The following SEMA5A variants were observed in gnomAD, a reference collection of about 807,000 sequenced individuals.
SEMA5A encodes the protein semaphorin-5A.
Under a neutral mutation model 135.5 loss-of-function variants are expected in SEMA5A, and 55 were observed. The ratio of observed to expected loss-of-function variants is 0.41; its 90% CI spans 0.33 to 0.51. SEMA5A has a LOEUF of 0.51. Among genes scored for constraint, SEMA5A ranks in the 20% least tolerant of loss-of-function variants. The pLI is 0.37. For missense variants in SEMA5A, 1,290 were observed against 1,419.9 expected (o/e 0.91, Z 1.47); for synonymous variants, 580 against 546.5 (o/e 1.06, Z -0.85).
At position 9,193,931 on chromosome 5, in the gene SEMA5A, A is replaced by G. The variant is rs540410270; in HGVS notation, c.1068+3237T>C. On this transcript the variant is annotated intron_variant, in intron 10 of 22. Transcript: ENST00000382496. ...ACAAAACAAAACAAATCTGCTTTGC[A>G]TATCAAAGGGTCCTGATGGACAGGA... is the stretch of plus-strand genomic sequence containing the variant. Among the ~76,000 whole-genome samples, 5 of 152,314 alleles carry G rather than the reference A, an allele frequency of 3.3e-5. No homozygotes were observed. In the East Asian group the frequency reaches 9.6e-4, roughly 29 times the overall value.
intron 11 of SEMA5A, among the ~76,000 whole-genome samples, chr5:9,160,970 C>T (rs1309980819): frequency 2.0e-5 from 3 of 152,060 alleles, no homozygotes; most frequent in Admixed American, 6.6e-5. Flanking sequence ...AGAAATTACC[C>T]CCAAAGAATT....
At chr5:9,399,222 A>C (rs1000322552) in intron 2 of SEMA5A, among the ~76,000 whole-genome samples, 2 of 152,252 alleles carry the variant, frequency 1.3e-5, no homozygotes, top group African/African-American at 4.8e-5. Context: ...TACATGGAGA[A>C]CAGATGAAGA....
At chr5:9,143,403 C>T (rs1742169384) in intron 12 of SEMA5A, among the ~76,000 whole-genome samples, 1 of 152,076 alleles carries the variant, frequency 6.6e-6, no homozygotes, top group Non-Finnish European at 1.5e-5. Context: ...CTCGGCTTAA[C>T]ATTAAATAAC....
chr5:9,358,754 C>A (rs1025057989), intron 3 of SEMA5A, among the ~76,000 whole-genome samples: 5 of 152,094 alleles, frequency 3.3e-5, no homozygotes, highest in African/African-American at 1.2e-4. Flanking sequence ...TTGAAAGAAA[C>A]GAAGCTGGAA....
At chr5:9,445,198 C>A (rs1758385999) in intron 1 of SEMA5A, among the ~76,000 whole-genome samples, 1 of 152,108 alleles carries the variant, frequency 6.6e-6, no homozygotes, top group Admixed American at 6.6e-5. Flanking sequence ...TGCATAACAC[C>A]ACAATGACAT....
At chr5:9,234,047 C>T (rs1747778360) in intron 6 of SEMA5A, among the ~76,000 whole-genome samples, 1 of 152,212 alleles carries the variant, frequency 6.6e-6, no homozygotes, top group African/African-American at 2.4e-5. Flanking sequence ...AGAACTTCAG[C>T]ACAAGCAAAA....
chr5:9,535,931 T>C (rs950338197), intron 1 of SEMA5A, among the ~76,000 whole-genome samples: 1 of 152,174 alleles, frequency 6.6e-6, no homozygotes. Context: ...GTGCCTGTCA[T>C]ACTCAGAACT....
chr5:9,282,701 C>T (rs570138756), intron 5 of SEMA5A, among the ~76,000 whole-genome samples: 22 of 152,274 alleles, frequency 1.4e-4, no homozygotes, highest in Admixed American at 1.3e-3. Flanking sequence ...AAACAGCCGC[C>T]TCCCGTGTCA....
At chr5:9,533,334 A>C (rs189968738) in intron 1 of SEMA5A, among the ~76,000 whole-genome samples, 5 of 152,342 alleles carry the variant, frequency 3.3e-5, no homozygotes, top group Non-Finnish European at 7.3e-5. Context: ...GAAAGGAGTC[A>C]AATTTCATGA....
chr5:9,497,127 G>C (rs1260297193), intron 1 of SEMA5A, among the ~76,000 whole-genome samples: 2 of 152,124 alleles, frequency 1.3e-5, no homozygotes, highest in African/African-American at 4.8e-5. Context: ...GATACTTATA[G>C]GGACATGGTA....
rs527472379 is a variant in SEMA5A at position 9,042,070 on chromosome 5, T to C, written c.*827A>G. 1 of 152,302 alleles carries C rather than the reference T, an allele frequency of 6.6e-6. No homozygotes were observed. Among genetic ancestry groups the C allele is most frequent in the African/African-American group, 2.4e-5 (1 of 41,568 alleles). The allele number at this position is 152,302 out of a possible 1,614,324, so 9.4% of individuals were successfully genotyped here. ...GTTGGTTATTTTACAGACTGGCTCT[T>C]CAGGACGTCACTATGGACCAGACAG... On this transcript the variant is annotated 3_prime_UTR_variant, in exon 23 of 23. Transcript: ENST00000382496.
intron 12 of SEMA5A, among the ~76,000 whole-genome samples, chr5:9,144,140 TC>T (rs1237898841): frequency 2.6e-5 from 4 of 152,184 alleles, no homozygotes; most frequent in African/African-American, 4.8e-5. Context: ...CATTCTCTAT[TC>T]CATAAGTAGG....
intron 5 of SEMA5A, among the ~76,000 whole-genome samples, chr5:9,275,735 CAT>C (rs1190510410): frequency 6.6e-6 from 1 of 152,288 alleles, no homozygotes. Context: ...AGAAAAAACA[CAT>C]GATTATCTCA....
chr5:9,476,041 C>T (rs1759656528), intron 1 of SEMA5A, among the ~76,000 whole-genome samples: 1 of 152,200 alleles, frequency 6.6e-6, no homozygotes, highest in Non-Finnish European at 1.5e-5. Flanking sequence ...CTGTTTAACA[C>T]CTTTCTTCAT....
chr5:9,240,335 A>G (rs1036158323), intron 5 of SEMA5A, among the ~76,000 whole-genome samples: 3 of 152,080 alleles, frequency 2.0e-5, no homozygotes, highest in Non-Finnish European at 4.4e-5. Context: ...AGAGAACAGG[A>G]TAAAGGGAAA....
intron 1 of SEMA5A, among the ~76,000 whole-genome samples, chr5:9,524,768 A>G (rs963458009): frequency 1.3e-5 from 2 of 152,224 alleles, no homozygotes; most frequent in Non-Finnish European, 2.9e-5. Context: ...TGCAAAATAA[A>G]TATATACATA....
At position 9,119,070 on chromosome 5, in the gene SEMA5A, C is replaced by T; in HGVS notation, c.1853G>A (p.Arg618Gln). The T allele has an allele frequency of 1.2e-6, 2 of 1,613,698 alleles. No individual in the cohort carries two copies. The highest frequency in any genetic ancestry group is 1.7e-6 in the Non-Finnish European group (2 of 1,179,942). ...STTCGIGFQV[R>Q]QRSCSNPTPR... The stretch of plus-strand genomic sequence containing the variant: ...AGTGGGGTTGCTGCAGGAGCGCTGC[C>T]GCACCTGGAAGCCGATCCCACAGGT... The change falls in exon 15 of 23, where the codon CGG becomes CAG. Residue 618 changes from arginine (R) to glutamine (Q), a missense_variant. Around this residue, in one of 3 missense-constraint regions of SEMA5A, gnomAD observed 1,029 missense variants for 1,086.6 expected, o/e 0.95. Transcript: ENST00000382496.
chr5:9,151,569 TA>T (rs1011431217), intron 12 of SEMA5A, among the ~76,000 whole-genome samples: 2 of 152,186 alleles, frequency 1.3e-5, no homozygotes, highest in Non-Finnish European at 2.9e-5. Flanking sequence ...TATTTTTTTT[TA>T]AAGATTCTTT....
At chr5:9,162,818 A>C (rs1198735646) in intron 11 of SEMA5A, among the ~76,000 whole-genome samples, 3 of 152,078 alleles carry the variant, frequency 2.0e-5, no homozygotes, top group African/African-American at 7.2e-5. Flanking sequence ...TAAATTGTGC[A>C]GTTGAGAAAA....
Sources: allele counts gnomAD v4.1 joint callset (sites outside exome capture counted in the v4.1 genomes callset), GRCh38; gene constraint gnomAD v4.1.1; regional missense constraint gnomAD v4.1.1; transcripts MANE v1.5; gene names NCBI Gene and HGNC (gene_info 2026-07-23, HGNC 2026-07-21).